The following FAM13A variants were observed in gnomAD, a reference collection of about 807,000 sequenced individuals.
The protein encoded by FAM13A is family with sequence similarity 13 member A.
In FAM13A, 76 loss-of-function variants were observed where a neutral mutation model predicts 129.6. That is an observed-to-expected ratio of 0.59 (90% confidence interval 0.49 to 0.71). The LOEUF (loss-of-function observed/expected upper bound fraction) is 0.71, where lower values mean the gene tolerates loss of function less well. Among genes scored for constraint, FAM13A ranks in the 30% least tolerant of loss-of-function variants. FAM13A has a pLI of 0.00. For synonymous variants in FAM13A, 443 were observed against 449.9 expected (o/e 0.98, Z 0.20); for missense variants, 1,108 against 1,249.3 (o/e 0.89, Z 1.70).
intron 5 of FAM13A, among the ~76,000 whole-genome samples, chr4:88,911,273 T>C (rs1342130633): frequency 2.0e-5 from 3 of 152,232 alleles, no homozygotes; most frequent in African/African-American, 7.2e-5. Context: ...AATCCAGCTA[T>C]ATGCTTTCTC....
intron 3 of FAM13A, among the ~76,000 whole-genome samples, chr4:89,015,925 C>T (rs2869974): frequency 0.14 from 21,096 of 151,764 alleles, 1,708 homozygotes; most frequent in Non-Finnish European, 0.18. Context: ...TACATATATA[C>T]GTGTATGTTA....
intron 5 of FAM13A, among the ~76,000 whole-genome samples, chr4:88,917,168 G>T (rs1014252173): frequency 1.3e-5 from 2 of 152,176 alleles, no homozygotes; most frequent in Admixed American, 6.6e-5. Flanking sequence ...AAAGAAAAAA[G>T]ATTTATTTGG....
intron 22 of FAM13A, 132 bp downstream of exon 22, chr4:88,731,870 G>A (rs1737896776): frequency 1.4e-5 from 10 of 732,138 alleles, no homozygotes; most frequent in Middle Eastern, 2.9e-4. Context: ...AAAAATCACC[G>A]TTTTATCCAG....
chr4:88,754,499 G>A (rs61231054), intron 14 of FAM13A, among the ~76,000 whole-genome samples: 83,354 of 151,968 alleles, frequency 0.55, 26,023 homozygotes, highest in Non-Finnish European at 0.72. Context: ...TAAGGGGGCC[G>A]ATGTTTTCCA....
At chr4:88,822,872 C>T in intron 7 of FAM13A, 3 of 1,528,702 alleles carry the variant, frequency 2.0e-6, no homozygotes, top group Non-Finnish European at 2.6e-6. Flanking sequence ...ACTCTACACA[C>T]TTTGCAGCAT....
intron 7 of FAM13A, among the ~76,000 whole-genome samples, chr4:88,826,851 C>T (rs1733081084): frequency 6.6e-6 from 1 of 152,108 alleles, no homozygotes; most frequent in South Asian, 2.1e-4. Context: ...TGGAAGAAGC[C>T]TGGTCTCTCC....
chr4:88,915,001 A>AT (rs1403170661), intron 5 of FAM13A, among the ~76,000 whole-genome samples: 2 of 152,218 alleles, frequency 1.3e-5, no homozygotes, highest in Non-Finnish European at 2.9e-5. Context: ...CTGGGGTCAA[A>AT]CTCACAACAG....
intron 4 of FAM13A, among the ~76,000 whole-genome samples, chr4:88,947,148 C>T (rs148154060): frequency 1.2e-4 from 18 of 152,218 alleles, no homozygotes; most frequent in African/African-American, 4.1e-4. Context: ...GTGGCTCATG[C>T]CTGTAATCCC....
At chr4:88,873,846 T>C (rs567163024) in intron 6 of FAM13A, among the ~76,000 whole-genome samples, 8 of 152,158 alleles carry the variant, frequency 5.3e-5, no homozygotes, top group Non-Finnish European at 7.4e-5. Context: ...AAAAAGAGAA[T>C]TTTAGACCAA....
intron 13 of FAM13A, chr4:88,759,117 A>C (rs1258828392): frequency 2.1e-6 from 1 of 474,638 alleles, no homozygotes; most frequent in African/African-American, 1.9e-5. Flanking sequence ...AACTTTCCCC[A>C]GGCTGCTCTT....
intron 21 of FAM13A, among the ~76,000 whole-genome samples, chr4:88,734,313 C>T (rs1352802113): frequency 6.6e-6 from 1 of 152,208 alleles, no homozygotes; most frequent in African/African-American, 2.4e-5. Context: ...CAGTCTACAG[C>T]AGCCCCTCTG....
Position 89,057,095 on chromosome 4 carries a change from G to A in FAM13A, c.-131C>T, listed in dbSNP as rs1579962794. ...CAGCTCCCAATGCAAAGGCCCCAAG[G>A]TAAGCGAAGAGCAGCTTCTAACATT... On this transcript the variant is annotated 5_prime_UTR_variant, in exon 1 of 24. Coordinates refer to ENST00000264344, the MANE Select transcript of FAM13A (RefSeq NM_014883.4). The A allele has an allele frequency of 6.6e-7, 1 of 1,504,130 alleles. No individual in the cohort carries two copies. The highest frequency in any genetic ancestry group is 2.4e-5 in the East Asian group (1 of 41,750). 93.2% of individuals were successfully genotyped at this position (1,504,130 alleles called of 1,614,324 possible).
intron 7 of FAM13A, among the ~76,000 whole-genome samples, chr4:88,847,872 G>C (rs1418322377): frequency 6.6e-6 from 1 of 151,946 alleles, no homozygotes; most frequent in Non-Finnish European, 1.5e-5. Context: ...AGGAGGCAGA[G>C]CTTGCAGTGA....
At chr4:88,915,111 T>C (rs890623205) in intron 5 of FAM13A, among the ~76,000 whole-genome samples, 4 of 152,280 alleles carry the variant, frequency 2.6e-5, no homozygotes, top group Admixed American at 2.6e-4. Flanking sequence ...TGAGGCATCT[T>C]ATAGGAAAGC....
intron 7 of FAM13A, among the ~76,000 whole-genome samples, chr4:88,831,986 ATAC>A (rs1733960913): frequency 6.6e-6 from 1 of 152,222 alleles, no homozygotes; most frequent in Non-Finnish European, 1.5e-5. Context: ...ACCTGAGTTT[ATAC>A]TACAAGGCTG....
At chr4:88,958,186 AAG>A (rs1226197109) in intron 4 of FAM13A, among the ~76,000 whole-genome samples, 46 of 152,284 alleles carry the variant, frequency 3.0e-4, no homozygotes, top group African/African-American at 1.1e-3. Flanking sequence ...CAATGAGCAA[AAG>A]GCCTCAAGGG....
chr4:88,766,465 T>G, intron 13 of FAM13A, among the ~76,000 whole-genome samples: 1 of 152,108 alleles, frequency 6.6e-6, no homozygotes, highest in Non-Finnish European at 1.5e-5. Context: ...AATTATCTGG[T>G]GAAGAAGTAT....
intron 8 of FAM13A, among the ~76,000 whole-genome samples, chr4:88,802,604 C>T (rs1022521399): frequency 6.6e-6 from 1 of 152,168 alleles, no homozygotes; most frequent in Non-Finnish European, 1.5e-5. Context: ...GAGAATATCA[C>T]ATTATAGAAA....
intron 4 of FAM13A, among the ~76,000 whole-genome samples, chr4:88,964,545 C>T (rs1759084258): frequency 6.6e-6 from 1 of 151,198 alleles, no homozygotes; most frequent in Non-Finnish European, 1.5e-5. Flanking sequence ...TTACACAGCA[C>T]CATCTAGTCA....
Sources: allele counts gnomAD v4.1 joint callset (sites outside exome capture counted in the v4.1 genomes callset), GRCh38; gene constraint gnomAD v4.1.1; transcripts MANE v1.5; gene names NCBI Gene and HGNC (gene_info 2026-07-23, HGNC 2026-07-21).